The following SLC27A1 variants were observed in gnomAD, a reference collection of about 807,000 sequenced individuals.
SLC27A1 encodes solute carrier family 27 member 1, also known as long-chain fatty acid transport protein 1.
Under a neutral mutation model 62.2 loss-of-function variants are expected in SLC27A1, and 61 were observed. The observed-to-expected ratio is 0.98, with a 90% CI of 0.80 to 1.21. SLC27A1 has a LOEUF of 1.21. Among genes scored for constraint, SLC27A1 ranks in the 50% most tolerant of loss-of-function variants. The pLI, the probability that SLC27A1 is intolerant of heterozygous loss-of-function variation, is 0.00. For missense variants in SLC27A1, 903 were observed against 932.1 expected, an observed-to-expected ratio of 0.97 and a Z score of 0.41; for synonymous variants, 435 against 408.6, an observed-to-expected ratio of 1.06 and a Z score of -0.78.
At position 17,486,635 on chromosome 19, in the gene SLC27A1, C is replaced by T. The variant is rs777091762; in HGVS notation, c.240C>T (p.Arg80=). 60 of 1,603,166 alleles carry T rather than the reference C, an allele frequency of 3.7e-5. 1 individual carries two copies. The South Asian group carries it at 6.0e-4, about 16-fold the overall frequency. The part of the protein sequence containing the change: ...RHQRAGHTIP[R]IFQAVVQRQP... ...AGCGTGCCGGCCACACCATCCCGCG[C>T]ATCTTTCAGGCGGTAGTGCAGCGAC... is the stretch of plus-strand genomic sequence containing the variant. Residue 80 remains arginine (R), a synonymous_variant, in exon 2 of 12, where the codon CGC becomes CGT. Coordinates refer to ENST00000252595, the MANE Select transcript of SLC27A1 (RefSeq NM_198580.3). This position sits in a 1 kb window ranked among gnomAD's most constrained non-coding sequence, Gnocchi z 6.6.
At chr19:17,480,924 AT>A (rs1828575940) in intron 1 of SLC27A1, among the ~76,000 whole-genome samples, 1 of 147,376 alleles carries the variant, frequency 6.8e-6, no homozygotes, top group African/African-American at 2.5e-5. Flanking sequence ...TGGTATTTGG[AT>A]TTCTTTTTTT....
At chr19:17,479,788 G>C (rs1808532) in intron 1 of SLC27A1, among the ~76,000 whole-genome samples, 128,992 of 151,884 alleles carry the variant, frequency 0.85, 55,733 homozygotes, top group Non-Finnish European at 0.92. Flanking sequence ...GGATTACAGG[G>C]ACCCACCACC....
chr19:17,498,546 C>A, intron 7 of SLC27A1: 1 of 161,770 alleles, frequency 6.2e-6, no homozygotes, highest in South Asian at 1.9e-4. Flanking sequence ...TGGCTCACGC[C>A]TGTAGGGTCC....
rs758255427 is a variant in SLC27A1 at position 17,497,361 on chromosome 19, C to A, written c.1103C>A (p.Pro368His). The A allele has an allele frequency of 1.4e-5, 23 of 1,602,852 alleles. No homozygotes were observed. Among genetic ancestry groups the A allele is most frequent in the Non-Finnish European group, 2.0e-5 (23 of 1,176,798 alleles). Residue 368 changes from proline (P) to histidine (H), a missense_variant, in exon 7 of 12, where the codon CCT becomes CAT. Transcript: ENST00000252595. Reference protein sequence around the residue: ...VRLAVGNGLRPAIWEEFTERF... With the variant: ...VRLAVGNGLRHAIWEEFTERF... ...CTGGCGGTGGGGAACGGGCTGCGTCCTGCCATCTGGGAGGAGTTCACGGAG... is the reference window on the plus strand; with the variant it reads ...CTGGCGGTGGGGAACGGGCTGCGTCATGCCATCTGGGAGGAGTTCACGGAG...
rs1467011384 is a variant in SLC27A1 at position 17,504,766 on chromosome 19, A to G, written c.*154A>G. The stretch of plus-strand genomic sequence containing the variant: ...CTGGACTGAGAAACTGGAACCTCAG[A>G]GGAACCCGTGCCTCTCTGCTGCCTT... On this transcript the variant is annotated 3_prime_UTR_variant, in exon 12 of 12. Coordinates refer to ENST00000252595, the MANE Select transcript of SLC27A1 (RefSeq NM_198580.3). 1.0e-6 allele frequency: 1 copy of G among 1,003,072 alleles called. No homozygotes were observed. Among genetic ancestry groups the G allele is most frequent in the Non-Finnish European group, 1.5e-6 (1 of 658,636 alleles). 62.1% of individuals were successfully genotyped at this position (1,003,072 alleles called of 1,614,324 possible).
chr19:17,485,960 T>C (rs1458510792), intron 1 of SLC27A1, among the ~76,000 whole-genome samples: 1 of 152,198 alleles, frequency 6.6e-6, no homozygotes, highest in Non-Finnish European at 1.5e-5. Context: ...CTGCCCGTTA[T>C]ATCTACTAGC....
chr19:17,471,021 C>A (rs2075071474), intron 1 of SLC27A1, among the ~76,000 whole-genome samples: 1 of 146,092 alleles, frequency 6.8e-6, no homozygotes, highest in Non-Finnish European at 1.5e-5. Context: ...ATTTGGGGGT[C>A]TTTGGGCAAC....
In SLC27A1 at chr19:17,488,910, A is replaced by G. The variant is rs753663476; in HGVS notation, c.857A>G (p.Tyr286Cys). 2 of 1,613,970 alleles carry G rather than the reference A, an allele frequency of 1.2e-6. No individual in the cohort carries two copies. The highest frequency in any genetic ancestry group is 1.7e-6 in the Non-Finnish European group (2 of 1,179,958). ...CGCATGCAGGCGGCTGACGTGCTCTATGACTGCCTGCCCCTGTACCACTCG... is the reference window on the plus strand; with the variant it reads ...CGCATGCAGGCGGCTGACGTGCTCTGTGACTGCCTGCCCCTGTACCACTCG... ...AYRMQAADVL[Y>C]DCLPLYHSAG... Residue 286 changes from tyrosine (Y) to cysteine (C), a missense_variant, in exon 5 of 12, where the codon TAT becomes TGT. Coordinates refer to ENST00000252595, the MANE Select transcript of SLC27A1 (RefSeq NM_198580.3).
intron 10 of SLC27A1, 63 bp from the exon 11 acceptor site, chr19:17,501,210 A>C: frequency 6.3e-7 from 1 of 1,590,688 alleles, no homozygotes; most frequent in Non-Finnish European, 8.6e-7. Flanking sequence ...TTGACAGTGT[A>C]TCTGGTCCTG....
chr19:17,486,542 C>A lies in SLC27A1; in HGVS notation c.168-21C>A. ...CGGGGCAGGGCACCAGTGACGCTGT[C>A]CCCTCCGTCCTCCCTCCCAGCGGTC... On this transcript the variant is annotated intron_variant, in intron 1 of 11. Transcript: ENST00000252595. This position sits in a 1 kb window ranked among gnomAD's most constrained non-coding sequence, Gnocchi z 6.6. The A allele has an allele frequency of 6.4e-7, 1 of 1,554,266 alleles. No individual in the cohort carries two copies. Among genetic ancestry groups the A allele is most frequent in the Non-Finnish European group, 8.6e-7 (1 of 1,156,502 alleles).
chr19:17,500,859 A>G lies in SLC27A1; in HGVS notation c.1619A>G (p.Tyr540Cys), dbSNP rs777754200. Reference protein sequence around the residue: ...RLLGQTDVAVYGVAVPGVEGK... With the variant: ...RLLGQTDVAVCGVAVPGVEGK... The stretch of plus-strand genomic sequence containing the variant: ...CTGGGCCAGACAGACGTGGCCGTCT[A>G]TGGGGTGGCTGTTCCAGGCAAGCTG... The change falls in exon 10 of 12, where the codon TAT becomes TGT. Residue 540 changes from tyrosine to cysteine, a missense_variant. Transcript: ENST00000252595. 5 of 1,608,884 alleles carry G rather than the reference A, an allele frequency of 3.1e-6. No individual in the cohort carries two copies. The Admixed American group carries it at 5.1e-5, about 17-fold the overall frequency.
intron 1 of SLC27A1, among the ~76,000 whole-genome samples, chr19:17,476,901 TTTTTTG>T (rs2075128601): frequency 9.4e-6 from 1 of 106,056 alleles, no homozygotes; most frequent in Non-Finnish European, 2.1e-5. Flanking sequence ...TTTTTTTTTT[TTTTTTG>T]AGACATGGTC....
At chr19:17,504,011 C>T (rs1461688718) in intron 11 of SLC27A1, among the ~76,000 whole-genome samples, 2 of 151,186 alleles carry the variant, frequency 1.3e-5, no homozygotes, top group Admixed American at 1.3e-4. Flanking sequence ...TCTTAAACTC[C>T]TGGGCTCAAG....
Position 17,497,464 on chromosome 19 carries a change from G to A in SLC27A1, c.1206G>A (p.Lys402=), listed in dbSNP as rs1374766970. Residue 402 remains lysine (K), a splice_region_variant and synonymous_variant, in exon 7 of 12, where the codon AAG becomes AAA. Transcript: ENST00000252595. ...CNCSIANMDG[K]VGSCGFNSRI... ...GCAGCATTGCCAACATGGACGGCAA[G>A]GTGCACACCGGCAGGGCCCCGGGGC... is the stretch of plus-strand genomic sequence containing the variant. 1.2e-6 allele frequency: 2 copies of A among 1,605,414 alleles called. No individual in the cohort carries two copies. Among genetic ancestry groups the A allele is most frequent in the Admixed American group, 1.7e-5 (1 of 59,218 alleles).
intron 11 of SLC27A1, among the ~76,000 whole-genome samples, chr19:17,502,812 A>T (rs182412001): frequency 1.1e-4 from 17 of 152,096 alleles, no homozygotes; most frequent in Admixed American, 3.9e-4. Flanking sequence ...CAGCCTCTGG[A>T]GTAGCTAGGA....
intron 1 of SLC27A1, among the ~76,000 whole-genome samples, chr19:17,482,380 TG>T (rs2075187235): frequency 6.6e-6 from 1 of 151,784 alleles, no homozygotes; most frequent in Non-Finnish European, 1.5e-5. Flanking sequence ...TGGCCAGGTG[TG>T]GTGGCTCATG....
chr19:17,495,249 A>G (rs1447403926), intron 6 of SLC27A1, among the ~76,000 whole-genome samples: 1 of 149,954 alleles, frequency 6.7e-6, no homozygotes, highest in African/African-American at 2.5e-5. Context: ...TGCTGGGATT[A>G]CAGGCATGAG....
chr19:17,493,122 C>CAAA (rs35742259), intron 6 of SLC27A1, among the ~76,000 whole-genome samples: 1 of 112,866 alleles, frequency 8.9e-6, no homozygotes, highest in African/African-American at 3.3e-5. Context: ...GACTCCATCT[C>CAAA]AAAAAAAAAA....
At chr19:17,485,378 C>T (rs1234373107) in intron 1 of SLC27A1, among the ~76,000 whole-genome samples, 3 of 150,972 alleles carry the variant, frequency 2.0e-5, no homozygotes, top group East Asian at 2.0e-4. Flanking sequence ...TTAGTAGAGA[C>T]GGGGTTTCAC....
Sources: gnomAD v4.1 joint callset for allele counts (sites outside exome capture counted in the v4.1 genomes callset) on GRCh38, gnomAD v4.1.1 for gene constraint, Gnocchi (gnomAD v3.1) non-coding constraint, MANE v1.5 for transcripts, NCBI Gene and HGNC (gene_info 2026-07-23, HGNC 2026-07-21) for gene names.